Variants in HS6ST3 observed in about 807,000 individuals in gnomAD.
HS6ST3 encodes the protein heparan sulfate 6-O-sulfotransferase 3, also known as heparan-sulfate 6-O-sulfotransferase 3.
Under a neutral mutation model 36.7 loss-of-function variants are expected in HS6ST3, and 12 were observed. The ratio of observed to expected loss-of-function variants is 0.33; its 90% CI spans 0.21 to 0.53. The LOEUF (loss-of-function observed/expected upper bound fraction) is 0.53, where lower values mean the gene tolerates loss of function less well. Ranked by LOEUF, HS6ST3 falls within the 20% of genes least tolerant of loss-of-function variation. HS6ST3 has a pLI of 0.95. For missense variants in HS6ST3, 584 were observed against 640.9 expected, an observed-to-expected ratio of 0.91 and a Z score of 0.96; for synonymous variants, 240 against 257.5, an observed-to-expected ratio of 0.93 and a Z score of 0.65.
intron 1 of HS6ST3, among the ~76,000 whole-genome samples, chr13:96,619,005 GTT>G (rs371128059): frequency 6.3e-5 from 9 of 143,886 alleles, no homozygotes; most frequent in South Asian, 2.2e-4. Context: ...GAGGAGTTGG[GTT>G]TTTTTTTTTT....
intron 1 of HS6ST3, among the ~76,000 whole-genome samples, chr13:96,662,884 G>A (rs569882608): frequency 2.4e-4 from 37 of 152,244 alleles, no homozygotes; most frequent in African/African-American, 8.7e-4. Flanking sequence ...CAACCTCCAG[G>A]CCAGTAGTTG....
chr13:96,238,062 A>G (rs2054542825), intron 1 of HS6ST3, among the ~76,000 whole-genome samples: 1 of 152,164 alleles, frequency 6.6e-6, no homozygotes, highest in African/African-American at 2.4e-5. Flanking sequence ...AACATGTCCA[A>G]AGTGGCACCT....
chr13:96,323,314 A>G (rs8000148), intron 1 of HS6ST3, among the ~76,000 whole-genome samples: 75,717 of 151,964 alleles, frequency 0.5, 19,747 homozygotes, highest in African/African-American at 0.65. Context: ...TGGGTGTTCA[A>G]ACTAAAAATC....
intron 1 of HS6ST3, among the ~76,000 whole-genome samples, chr13:96,196,803 A>G (rs1250951398): frequency 1.3e-5 from 2 of 152,086 alleles, no homozygotes; most frequent in African/African-American, 4.8e-5. Context: ...TTGTTACAAG[A>G]CCCCACTATT....
At chr13:96,644,878 A>G (rs1471670083) in intron 1 of HS6ST3, among the ~76,000 whole-genome samples, 1 of 152,024 alleles carries the variant, frequency 6.6e-6, no homozygotes, top group Non-Finnish European at 1.5e-5. Flanking sequence ...CTGCAGGAAT[A>G]GCATGCTTCC....
At chr13:96,762,368 T>G (rs1876991369) in intron 1 of HS6ST3, among the ~76,000 whole-genome samples, 1 of 152,100 alleles carries the variant, frequency 6.6e-6, no homozygotes, top group Non-Finnish European at 1.5e-5. Flanking sequence ...TAATCCCAGC[T>G]ACCTGGGAGG....
intron 1 of HS6ST3, among the ~76,000 whole-genome samples, chr13:96,758,497 A>G (rs1433352793): frequency 6.6e-6 from 1 of 151,728 alleles, no homozygotes; most frequent in African/African-American, 2.4e-5. Context: ...AGGTGGAAAC[A>G]TATCATTGTT....
intron 1 of HS6ST3, among the ~76,000 whole-genome samples, chr13:96,469,941 A>G (rs2055832814): frequency 6.6e-6 from 1 of 152,210 alleles, no homozygotes; most frequent in Non-Finnish European, 1.5e-5. Flanking sequence ...GTCTCTAAAA[A>G]CACTATTAAT....
intron 1 of HS6ST3, among the ~76,000 whole-genome samples, chr13:96,315,101 T>G (rs1028650610): frequency 2.0e-5 from 3 of 152,216 alleles, no homozygotes; most frequent in Non-Finnish European, 2.9e-5. Flanking sequence ...CAGAAAGTCT[T>G]TCTTCATGCT....
intron 1 of HS6ST3, among the ~76,000 whole-genome samples, chr13:96,122,093 C>G (rs2053928294): frequency 7.2e-6 from 1 of 139,580 alleles, no homozygotes; most frequent in African/African-American, 2.8e-5. Context: ...CTTTAATCAT[C>G]AAAATAACCC....
chr13:96,374,472 C>T (rs755842818), intron 1 of HS6ST3, among the ~76,000 whole-genome samples: 2 of 152,140 alleles, frequency 1.3e-5, no homozygotes, highest in Non-Finnish European at 2.9e-5. Flanking sequence ...TAGCATTCCT[C>T]AAATCTTTGT....
chr13:96,433,592 C>T (rs776845531), intron 1 of HS6ST3, among the ~76,000 whole-genome samples: 1 of 152,186 alleles, frequency 6.6e-6, no homozygotes, highest in Non-Finnish European at 1.5e-5. Context: ...CTTCACCTTC[C>T]GCCATGATTG....
intron 1 of HS6ST3, among the ~76,000 whole-genome samples, chr13:96,241,692 T>C (rs574151772): frequency 3.6e-4 from 54 of 151,188 alleles, no homozygotes; most frequent in African/African-American, 1.3e-3. Context: ...AAGCATAAAA[T>C]ATGTTACATT....
chr13:96,824,488 T>C (rs1477948307), intron 1 of HS6ST3, among the ~76,000 whole-genome samples: 2 of 152,188 alleles, frequency 1.3e-5, no homozygotes, highest in Non-Finnish European at 2.9e-5. Context: ...AAAGGCCTTT[T>C]CGTAGCTGTG....
intron 1 of HS6ST3, among the ~76,000 whole-genome samples, chr13:96,531,727 C>T (rs986426215): frequency 6.6e-5 from 10 of 152,170 alleles, no homozygotes; most frequent in African/African-American, 2.4e-4. Flanking sequence ...CAACCATCAC[C>T]ACTATTCCTT....
At chr13:96,095,920 A>G (rs1010576514) in intron 1 of HS6ST3, among the ~76,000 whole-genome samples, 10 of 145,340 alleles carry the variant, frequency 6.9e-5, no homozygotes, top group Non-Finnish European at 1.5e-4. Flanking sequence ...GAAGAAGAGG[A>G]GCTGCCATAG....
intron 1 of HS6ST3, among the ~76,000 whole-genome samples, chr13:96,727,036 A>G (rs1282522768): frequency 6.6e-6 from 1 of 152,168 alleles, no homozygotes; most frequent in African/African-American, 2.4e-5. Context: ...CTTAAGTTTT[A>G]TACCCACTTC....
In HS6ST3 at chr13:96,433,721, G is replaced by A. The variant is rs138804538; in HGVS notation, c.707+342152G>A. Among the ~76,000 whole-genome samples, 99 of 152,254 alleles carry A rather than the reference G, an allele frequency of 6.5e-4. No homozygotes were observed. In the East Asian group the frequency reaches 0.018, roughly 28 times the overall value. On this transcript the variant is annotated intron_variant, in intron 1 of 1. Coordinates refer to ENST00000376705, the MANE Select transcript of HS6ST3 (RefSeq NM_153456.4). ...AGGTTGAAGTTGGAGGATCACCTGA[G>A]GTCCGGAATTCGAGACTGGCCTGGC...
At chr13:96,315,811 T>C (rs2054966093) in intron 1 of HS6ST3, among the ~76,000 whole-genome samples, 1 of 152,130 alleles carries the variant, frequency 6.6e-6, no homozygotes, top group African/African-American at 2.4e-5. Context: ...TTGCTAGTCA[T>C]TTGAATAGGT....
Sources: gnomAD v4.1 joint callset for allele counts (sites outside exome capture counted in the v4.1 genomes callset) on GRCh38, gnomAD v4.1.1 for gene constraint, MANE v1.5 for transcripts, NCBI Gene and HGNC (gene_info 2026-07-23, HGNC 2026-07-21) for gene names.